The following HECTD4 variants were observed in gnomAD, a reference collection of about 807,000 sequenced individuals.
The protein encoded by HECTD4 is probable E3 ubiquitin-protein ligase HECTD4.
In HECTD4, 114 loss-of-function variants were observed where a neutral mutation model predicts 471.5. That is an observed-to-expected ratio of 0.24 (90% CI 0.21 to 0.28). HECTD4 has a LOEUF of 0.28. Ranked by LOEUF, HECTD4 falls within the 10% of genes least tolerant of loss-of-function variation. The pLI is 1.00. For missense variants in HECTD4, 3,866 were observed against 5,651.5 expected, an observed-to-expected ratio of 0.68 and a Z score of 10.13; for synonymous variants, 2,012 against 2,256.0, an observed-to-expected ratio of 0.89 and a Z score of 3.07.
chr12:112,189,734 T>G (rs2032014298), intron 60 of HECTD4, among the ~76,000 whole-genome samples: 1 of 152,038 alleles, frequency 6.6e-6, no homozygotes, highest in South Asian at 2.1e-4. Flanking sequence ...CTGAAGGCAC[T>G]GAAGGCATCC....
intron 7 of HECTD4, among the ~76,000 whole-genome samples, chr12:112,295,458 T>G (rs2034986725): frequency 6.6e-6 from 1 of 151,336 alleles, no homozygotes; most frequent in African/African-American, 2.4e-5. Context: ...CTTGGACTCC[T>G]GGACTGAAGT....
At position 112,210,794 on chromosome 12, in the gene HECTD4, A is replaced by C. The variant is rs1460225209; in HGVS notation, c.7630-542T>G. Among the ~76,000 whole-genome samples, 3 of 152,350 alleles carry C rather than the reference A, an allele frequency of 2.0e-5. No homozygotes were observed. The East Asian group carries it at 5.8e-4, about 29-fold the overall frequency. ...TGATTATTTGACTACTGTCTGATTGATTCCTCCAACTGATCATAACCCAAT... is the reference window on the plus strand; with the variant it reads ...TGATTATTTGACTACTGTCTGATTGCTTCCTCCAACTGATCATAACCCAAT... On this transcript the variant is annotated intron_variant, in intron 49 of 75. Transcript: ENST00000682272.
At chr12:112,164,335 C>G (rs901102851) in intron 72 of HECTD4, 60 bp from the exon 73 acceptor site, 1 of 1,544,246 alleles carries the variant, frequency 6.5e-7, no homozygotes, top group African/African-American at 1.4e-5. Flanking sequence ...AACCCTGATC[C>G]CCAGGTGGCT....
intron 6 of HECTD4, 94 bp downstream of exon 6, chr12:112,308,659 T>C: frequency 8.5e-7 from 1 of 1,180,086 alleles, no homozygotes; most frequent in Non-Finnish European, 1.2e-6. Flanking sequence ...GGGAGGAAAA[T>C]ATATCAACTG....
In HECTD4 at chr12:112,261,293, T is replaced by G; in HGVS notation, c.2873+12A>C. The G allele has an allele frequency of 6.4e-7, 1 of 1,572,564 alleles. No individual in the cohort carries two copies. Among genetic ancestry groups the G allele is most frequent in the Non-Finnish European group, 8.7e-7 (1 of 1,150,056 alleles). Reference sequence around the variant, plus strand: ...CAGGGCAGCTGGTCACAGCCCACAATCCATTCCTCACCTCTGCTCACGGTC... The same window carrying G: ...CAGGGCAGCTGGTCACAGCCCACAAGCCATTCCTCACCTCTGCTCACGGTC... On this transcript the variant is annotated intron_variant, in intron 18 of 75. Transcript: ENST00000682272.
intron 52 of HECTD4, among the ~76,000 whole-genome samples, chr12:112,205,591 T>C (rs1190773758): frequency 6.6e-6 from 1 of 152,122 alleles, no homozygotes; most frequent in Admixed American, 6.5e-5. Context: ...ACGTTTCTTT[T>C]TCTTTTTCTT....
At chr12:112,297,451 G>A (rs1156463339) in intron 7 of HECTD4, among the ~76,000 whole-genome samples, 1 of 151,832 alleles carries the variant, frequency 6.6e-6, no homozygotes, top group Non-Finnish European at 1.5e-5. Context: ...GTGCAGTGGG[G>A]ACCCAATCAT....
chr12:112,260,358 G>A (rs1031121942), intron 18 of HECTD4, among the ~76,000 whole-genome samples: 10 of 152,106 alleles, frequency 6.6e-5, no homozygotes, highest in African/African-American at 9.7e-5. Context: ...ACAGAACTAC[G>A]TATTACTAAG....
At chr12:112,303,123 G>A (rs1237715395) in intron 7 of HECTD4, among the ~76,000 whole-genome samples, 1 of 152,128 alleles carries the variant, frequency 6.6e-6, no homozygotes, top group Non-Finnish European at 1.5e-5. Flanking sequence ...ACATCAGTAT[G>A]AGAGGTCTTT....
intron 1 of HECTD4, among the ~76,000 whole-genome samples, chr12:112,348,569 C>G (rs566455969): frequency 7.9e-5 from 12 of 152,152 alleles, no homozygotes; most frequent in African/African-American, 2.9e-4. Context: ...ACCAGCCTAG[C>G]AACATAGCTA....
intron 7 of HECTD4, among the ~76,000 whole-genome samples, chr12:112,300,877 CTTCTTT>C (rs1320475291): frequency 6.6e-5 from 10 of 151,720 alleles, no homozygotes; most frequent in Non-Finnish European, 1.3e-4. Context: ...GCCTGTATTA[CTTCTTT>C]TTCTTTTTCT....
chr12:112,267,551 T>C (rs1017116485), intron 13 of HECTD4, among the ~76,000 whole-genome samples: 1 of 152,112 alleles, frequency 6.6e-6, no homozygotes, highest in African/African-American at 2.4e-5. Flanking sequence ...CCCTGATAAG[T>C]GGCATCCCTC....
chr12:112,264,483 C>T (rs770976406), intron 16 of HECTD4, among the ~76,000 whole-genome samples: 4 of 152,058 alleles, frequency 2.6e-5, no homozygotes, highest in Admixed American at 1.3e-4. Flanking sequence ...CTTCCCCCTC[C>T]CTCTCACACA....
At chr12:112,340,881 C>G (rs891813716) in intron 1 of HECTD4, among the ~76,000 whole-genome samples, 1 of 152,110 alleles carries the variant, frequency 6.6e-6, no homozygotes, top group African/African-American at 2.4e-5. Flanking sequence ...ACTGCATGCT[C>G]AAGGGTGGGG....
At chr12:112,247,288 T>A (rs950879985) in intron 28 of HECTD4, among the ~76,000 whole-genome samples, 174 bp downstream of exon 28, 2 of 152,240 alleles carry the variant, frequency 1.3e-5, no homozygotes, top group African/African-American at 4.8e-5. Context: ...CAAATGCCTA[T>A]GCTAACTTTG....
At chr12:112,376,468 G>A (rs1017734841) in intron 1 of HECTD4, among the ~76,000 whole-genome samples, 3 of 151,838 alleles carry the variant, frequency 2.0e-5, no homozygotes, top group Non-Finnish European at 2.9e-5. Flanking sequence ...GGATGGTCTC[G>A]ATCTCCTGAC....
intron 55 of HECTD4, among the ~76,000 whole-genome samples, chr12:112,198,532 G>C (rs1268647725): frequency 6.6e-6 from 1 of 152,168 alleles, no homozygotes; most frequent in Non-Finnish European, 1.5e-5. Context: ...TTGAGGCCTG[G>C]GCTGTCGTGG....
At position 112,194,778 on chromosome 12, in the gene HECTD4, T is replaced by C. The variant is rs2032183266; in HGVS notation, c.8749+107A>G. The C allele has an allele frequency of 3.8e-6, 4 of 1,039,156 alleles. No homozygotes were observed. The highest frequency in any genetic ancestry group is 5.6e-6 in the Non-Finnish European group (4 of 708,662). The allele number at this position is 1,039,156 out of a possible 1,614,324, so 64.4% of individuals were successfully genotyped here. A position where few individuals can be genotyped will look rare whatever the true frequency, so the allele number is the denominator to read the frequency against. The stretch of plus-strand genomic sequence containing the variant: ...GCGTGCAATTTCTCACGTGAGCCTA[T>C]GCGCACCATGAGGCATTTCTCGCCC... On this transcript the variant is annotated intron_variant, in intron 56 of 75. Coordinates refer to ENST00000682272, the MANE Select transcript of HECTD4 (RefSeq NM_001388303.1). The surrounding 1 kb of genome is among the most constrained non-coding windows in gnomAD (Gnocchi z 4.6).
rs1472105473 is a variant in HECTD4, at chr12:112,161,694, G to A, written c.*693C>T. ...GAACCCTTAAGTCTCCTGCTCCCGA[G>A]GAGGCCTCAGATGAAAACTGTCAGA... On this transcript the variant is annotated 3_prime_UTR_variant, in exon 76 of 76. Coordinates refer to ENST00000682272, the MANE Select transcript of HECTD4 (RefSeq NM_001388303.1). 6.6e-6 allele frequency: 1 copy of A among 152,216 alleles called. No individual in the cohort carries two copies. Among genetic ancestry groups the A allele is most frequent in the Non-Finnish European group, 1.5e-5 (1 of 68,100 alleles). 9.4% of individuals were successfully genotyped at this position (152,216 alleles called of 1,614,324 possible). A position where few individuals can be genotyped will look rare whatever the true frequency, so the allele number is the denominator to read the frequency against.
Sources: allele counts gnomAD v4.1 joint callset (sites outside exome capture counted in the v4.1 genomes callset), GRCh38; gene constraint gnomAD v4.1.1; non-coding constraint Gnocchi (gnomAD v3.1); transcripts MANE v1.5; gene names NCBI Gene and HGNC (gene_info 2026-07-23, HGNC 2026-07-21).